TRPV5: variants seen among roughly 807,000 people sequenced by gnomAD.
TRPV5 encodes the protein transient receptor potential cation channel subfamily V member 5, also known as calcium transport protein 2.
Under a neutral mutation model 74.1 loss-of-function variants are expected in TRPV5, and 66 were observed. The observed-to-expected ratio is 0.89, with a 90% CI of 0.73 to 1.09. The LOEUF (loss-of-function observed/expected upper bound fraction) is 1.09. TRPV5 is among the 50% of genes least tolerant of loss of function. The probability of loss-of-function intolerance (pLI) is 0.00; values close to 1 mark genes in which losing one functional copy is unlikely to be tolerated. For synonymous variants in TRPV5, 399 were observed against 360.7 expected (o/e 1.11, Z -1.20); for missense variants, 936 against 930.4 (o/e 1.01, Z -0.08).
At position 142,929,076 on chromosome 7, in the gene TRPV5, T is replaced by C. The variant is rs1271993967; in HGVS notation, c.532A>G (p.Ile178Val). The change falls in exon 5 of 15, where the codon ATC becomes GTC. Residue 178 changes from isoleucine to valine, a missense_variant. Physicochemically the swap from Ile to Val is conservative, Grantham distance 29. Coordinates refer to ENST00000265310, the MANE Select transcript of TRPV5 (RefSeq NM_019841.7). Reference sequence around the variant, plus strand: ...CCATGCTCAATGAGCAGCCGCACGATCTCCTCGCTGTTCACACAGGCAGCA... The same window carrying C: ...CCATGCTCAATGAGCAGCCGCACGACCTCCTCGCTGTTCACACAGGCAGCA... ...SFAACVNSEE[I>V]VRLLIEHGAD... 6.2e-7 allele frequency: 1 copy of C among 1,613,914 alleles called. No individual in the cohort carries two copies. The highest frequency in any genetic ancestry group is 1.7e-5 in the Admixed American group (1 of 60,014).
At position 142,909,538 on chromosome 7, in the gene TRPV5, G is replaced by A. The variant is rs771893419; in HGVS notation, c.1847C>T (p.Ser616Phe). The A allele has an allele frequency of 1.9e-6, 3 of 1,614,092 alleles. No homozygotes were observed. The South Asian group carries it at 3.3e-5, about 18-fold the overall frequency. The change falls in exon 14 of 15, where the codon TCC becomes TTC. Residue 616 changes from serine (S) to phenylalanine (F), a missense_variant. Physicochemically the swap from Ser to Phe is radical, Grantham distance 155. Transcript: ENST00000265310. The part of the protein sequence containing the change: ...RKLPRCLWPR[S>F]GICGCEFGLG... ...CCCGAATTCGCACCCACAGATCCCG[G>A]AGCGAGGCCACAGGCAGCGAGGCAG...
chr7:142,909,640 T>C (rs770727261), intron 13 of TRPV5, 44 bp from the exon 14 acceptor site: 1 of 1,598,982 alleles, frequency 6.3e-7, no homozygotes, highest in Non-Finnish European at 8.5e-7. Context: ...GAAAGAGCCA[T>C]GAGGTTCAAA....
chr7:142,925,150 C>T (rs1051231350), intron 8 of TRPV5: 1 of 429,210 alleles, frequency 2.3e-6, no homozygotes, highest in Admixed American at 3.9e-5. Flanking sequence ...CCAAATACAA[C>T]AAAAATGGAC....
intron 13 of TRPV5, among the ~76,000 whole-genome samples, chr7:142,911,593 T>C (rs1356496586): frequency 6.6e-6 from 1 of 152,242 alleles, no homozygotes; most frequent in Non-Finnish European, 1.5e-5. Flanking sequence ...TTTGCTGCTG[T>C]AATTTTACAG....
In TRPV5 at chr7:142,909,578, T is replaced by A; in HGVS notation, c.1807A>T (p.Met603Leu). The A allele has an allele frequency of 6.2e-7, 1 of 1,613,952 alleles. No individual in the cohort carries two copies. The change falls in exon 14 of 15, where the codon ATG becomes TTG. Residue 603 changes from methionine (M) to leucine (L), a missense_variant. By Grantham distance (15) the Met-to-Leu change is conservative. Coordinates refer to ENST00000265310, the MANE Select transcript of TRPV5 (RefSeq NM_019841.7). ...CAGCGAGGCAGCTTCCGCTCCAGCA[T>A]CACTGTGGTGGCCACGACCTGGAAG... Reference protein sequence around the residue: ...WRAQVVATTVMLERKLPRCLW... With the variant: ...WRAQVVATTVLLERKLPRCLW...
chr7:142,929,316 C>G, intron 4 of TRPV5, 112 bp downstream of exon 4: 1 of 1,540,682 alleles, frequency 6.5e-7, no homozygotes, highest in Admixed American at 1.9e-5. Context: ...AAGGGCTGCC[C>G]CTCTCAACTG....
At chr7:142,926,247 C>G (rs4252428) in intron 7 of TRPV5, among the ~76,000 whole-genome samples, 2,856 of 152,110 alleles carry the variant, frequency 0.019, 35 homozygotes, top group Non-Finnish European at 0.028. Context: ...GGAGTTCAAG[C>G]AGGGAAGTGG....
At position 142,930,148 on chromosome 7, in the gene TRPV5, C is replaced by T; in HGVS notation, c.259G>A (p.Ala87Thr). The change falls in exon 3 of 15, where the codon GCC becomes ACC. Residue 87 changes from alanine to threonine, a missense_variant. Coordinates refer to ENST00000265310, the MANE Select transcript of TRPV5 (RefSeq NM_019841.7). ...ALGETALHIA[A>T]LYDNLEAALV... is the part of the protein sequence containing the mutation. Reference sequence around the variant, plus strand: ...GCCGCCTCCAAGTTGTCATAGAGGGCTGCTATGTGCAGCGCCGTCTCCCCC... The same window carrying T: ...GCCGCCTCCAAGTTGTCATAGAGGGTTGCTATGTGCAGCGCCGTCTCCCCC... 1.2e-6 allele frequency: 2 copies of T among 1,614,130 alleles called. No homozygotes were observed. Among genetic ancestry groups the T allele is most frequent in the Non-Finnish European group, 1.7e-6 (2 of 1,180,008 alleles).
intron 8 of TRPV5, among the ~76,000 whole-genome samples, chr7:142,916,776 C>T (rs540936437): frequency 3.3e-5 from 5 of 152,162 alleles, no homozygotes; most frequent in Non-Finnish European, 5.9e-5. Context: ...CTCACCTGCC[C>T]GGTGAGAGGC....
chr7:142,928,020 G>A (rs1208524861), intron 7 of TRPV5, 68 bp downstream of exon 7: 3 of 1,592,620 alleles, frequency 1.9e-6, no homozygotes, highest in African/African-American at 1.3e-5. Context: ...ATCTTAGTAA[G>A]TGGACAGACT....
Position 142,933,472 on chromosome 7 carries a change from C to T in TRPV5, c.-13G>A. On this transcript the variant is annotated 5_prime_UTR_variant, in exon 1 of 15. Coordinates refer to ENST00000265310, the MANE Select transcript of TRPV5 (RefSeq NM_019841.7). ...GAAAACCCCCCATGTCTTCTCCTTG[C>T]AGACACTGGCAGATTATAGAAATGT... The T allele has an allele frequency of 1.2e-6, 2 of 1,608,586 alleles. No individual in the cohort carries two copies. Among genetic ancestry groups the T allele is most frequent in the Non-Finnish European group, 1.7e-6 (2 of 1,177,986 alleles).
At chr7:142,921,731 T>G (rs1445735641) in intron 8 of TRPV5, among the ~76,000 whole-genome samples, 2 of 152,176 alleles carry the variant, frequency 1.3e-5, no homozygotes, top group Non-Finnish European at 2.9e-5. Context: ...TTAAAATCCT[T>G]CTGACTTCCC....
At position 142,924,251 on chromosome 7, in the gene TRPV5, CATGTATATATAT is replaced by C. The variant is rs1795932969; in HGVS notation, c.1122+1266_1122+1277del. Among the ~76,000 whole-genome samples the C allele has an allele frequency of 1.3e-3, 167 of 124,858 alleles. 2 individuals are homozygous for C. Among genetic ancestry groups the C allele is most frequent in the African/African-American group, 5.4e-3 (164 of 30,636 alleles). 81.9% of individuals were successfully genotyped at this position (124,858 alleles called of 152,430 possible). A position where few individuals can be genotyped will look rare whatever the true frequency, so the allele number is the denominator to read the frequency against. ...ATACATATATATATATATACATATA[CATGTATATATAT>C]ACATATATATATATATACATATACA... On this transcript the variant is annotated intron_variant, in intron 8 of 14. Coordinates refer to ENST00000265310, the MANE Select transcript of TRPV5 (RefSeq NM_019841.7).
chr7:142,928,557 A>T, intron 6 of TRPV5, 134 bp downstream of exon 6: 6 of 1,281,394 alleles, frequency 4.7e-6, no homozygotes, highest in Non-Finnish European at 6.4e-6. Flanking sequence ...GCAAGGGACC[A>T]CCATCCCTTT....
chr7:142,929,282 G>A, intron 4 of TRPV5, 146 bp downstream of exon 4: 3 of 1,472,518 alleles, frequency 2.0e-6, no homozygotes, highest in Middle Eastern at 1.8e-4. Context: ...AGGGGAATGG[G>A]CCTCTGGCTT....
rs1467330398 is a variant in TRPV5 at position 142,915,516 on chromosome 7, C to A, written c.1175G>T (p.Ser392Ile). Residue 392 changes from serine (S) to isoleucine (I), a missense_variant, in exon 9 of 15, where the codon AGC becomes ATC. Transcript: ENST00000265310. ...DIIRLVGELV[S>I]IVGAVIILLL... ...CAGGATGATCACAGCCCCAACGATGCTCACCAGCTCCCCCACCAGCCTGAT... is the reference window on the plus strand; with the variant it reads ...CAGGATGATCACAGCCCCAACGATGATCACCAGCTCCCCCACCAGCCTGAT... The A allele has an allele frequency of 1.2e-6, 2 of 1,614,160 alleles. No homozygotes were observed. The highest frequency in any genetic ancestry group is 4.5e-5 in the East Asian group (2 of 44,874).
chr7:142,924,571 C>T (rs6966572), intron 8 of TRPV5, among the ~76,000 whole-genome samples: 3 of 151,256 alleles, frequency 2.0e-5, no homozygotes, highest in Non-Finnish European at 2.9e-5. Flanking sequence ...ATTCTCTTTC[C>T]GACTGAAACT....
At chr7:142,930,849 C>T (rs1474113055) in intron 1 of TRPV5, among the ~76,000 whole-genome samples, 3 of 152,038 alleles carry the variant, frequency 2.0e-5, no homozygotes, top group African/African-American at 4.8e-5. Context: ...CTTCCATCTG[C>T]GGTCCCCCTG....
At chr7:142,927,866 G>A (rs1796012809) in intron 7 of TRPV5, among the ~76,000 whole-genome samples, 1 of 152,224 alleles carries the variant, frequency 6.6e-6, no homozygotes, top group East Asian at 1.9e-4. Context: ...AATGATAGAA[G>A]GCGAAAGGTA....
Sources: allele counts gnomAD v4.1 joint callset (sites outside exome capture counted in the v4.1 genomes callset), GRCh38; gene constraint gnomAD v4.1.1; transcripts MANE v1.5; gene names NCBI Gene and HGNC (gene_info 2026-07-23, HGNC 2026-07-21).